Variants in FRMPD4 observed in about 807,000 individuals in gnomAD.
The protein encoded by FRMPD4 is FERM and PDZ domain-containing protein 4.
FRMPD4 carries 22 observed loss-of-function variants against 94.1 expected under a neutral mutation model. The observed-to-expected ratio is 0.23, with a 90% CI of 0.17 to 0.33. The LOEUF (loss-of-function observed/expected upper bound fraction) is 0.33. Ranked by LOEUF, FRMPD4 falls within the 10% of genes least tolerant of loss-of-function variation. The pLI, the probability that FRMPD4 is intolerant of heterozygous loss-of-function variation, is 1.00. For missense variants in FRMPD4, 1,111 were observed against 1,339.9 expected, an observed-to-expected ratio of 0.83 and a Z score of 2.67; for synonymous variants, 631 against 548.6, an observed-to-expected ratio of 1.15 and a Z score of -2.10.
rs186271442 is a variant in FRMPD4 at position 12,325,721 on chromosome X, C to G, written c.42-172959C>G. Among the ~76,000 whole-genome samples, 4 of 112,331 alleles carry G rather than the reference C, an allele frequency of 3.6e-5. No homozygotes were observed. The East Asian group carries it at 1.1e-3, about 31-fold the overall frequency. ...CTAGAAATATCAGCATTCCCTGAAG[C>G]TCTAAAATGCAGACCCTCAGGCCCC... On this transcript the variant is annotated intron_variant, in intron 1 of 16. Transcript: ENST00000675598.
At chrX:12,666,339 T>C (rs1316673474) in intron 4 of FRMPD4, among the ~76,000 whole-genome samples, 7 of 111,205 alleles carry the variant, frequency 6.3e-5, no homozygotes, top group African/African-American at 2.3e-4. Context: ...TGGGAGACTT[T>C]AACACCCCAC....
chrX:12,523,432 A>T (rs975176377), intron 2 of FRMPD4, among the ~76,000 whole-genome samples: 8 of 111,893 alleles, frequency 7.1e-5, no homozygotes, highest in Non-Finnish European at 1.3e-4. Flanking sequence ...TATTCCTGAC[A>T]GTTGCATTTA....
At chrX:12,423,238 AAAAT>A (rs35361195) in intron 1 of FRMPD4, among the ~76,000 whole-genome samples, 1 of 108,064 alleles carries the variant, frequency 9.3e-6, no homozygotes, top group Non-Finnish European at 1.9e-5. Context: ...GACGCCGTCT[AAAAT>A]AAATAAATAA....
At chrX:12,596,405 A>G (rs1223008076) in intron 2 of FRMPD4, among the ~76,000 whole-genome samples, 1 of 111,920 alleles carries the variant, frequency 8.9e-6, no homozygotes, top group African/African-American at 3.3e-5. Context: ...AATTACTTTC[A>G]TATTTGTATT....
rs773502928 is a variant in FRMPD4 at position 11,957,525 on chromosome X, C to CAAAATAAAATAAAAT, written c.95+79522_95+79536dup. ...GGCTGCAGTGAGTGAGACCCTGTCT[C>CAAAATAAAATAAAAT]AAAATAAAATAAAATAAAATAAAAT... On this transcript the variant is annotated intron_variant, in intron 3 of 18. Coordinates refer to the FRMPD4 transcript ENST00000640291. Among the ~76,000 whole-genome samples the CAAAATAAAATAAAAT allele has an allele frequency of 5.4e-3, 590 of 108,409 alleles. 4 individuals carry two copies. Among genetic ancestry groups the CAAAATAAAATAAAAT allele is most frequent in the African/African-American group, 0.019 (554 of 29,899 alleles). The allele number at this position is 108,409 out of a possible 115,157, so 94.1% of individuals were successfully genotyped here.
At chrX:12,720,009 G>A (rs934839903) in intron 16 of FRMPD4, among the ~76,000 whole-genome samples, 1 of 39,336 alleles carries the variant, frequency 2.5e-5, no homozygotes, top group Non-Finnish European at 5.2e-5. Flanking sequence ...GGAAAGGAAA[G>A]GAAAGGAAAG....
At chrX:12,089,029 G>C (rs190165615) in intron 3 of FRMPD4, among the ~76,000 whole-genome samples, 13 of 111,960 alleles carry the variant, frequency 1.2e-4, no homozygotes, top group Non-Finnish European at 1.9e-5. Flanking sequence ...ACCAGGTTTT[G>C]TACTATATAT....
rs147731657 is a variant in FRMPD4, at chrX:12,031,159, C to T, written c.95+153141C>T. 2.3e-3 allele frequency among the ~76,000 whole-genome samples: 263 copies of T among 111,922 alleles called. 1 individual carries two copies. The highest frequency in any genetic ancestry group is 7.4e-3 in the African/African-American group (227 of 30,826). ...GTAAATACAGAACAGCATATTTCAA[C>T]GTGCTTGGTCAATTTTCAGTAACAG... is the stretch of plus-strand genomic sequence containing the variant. On this transcript the variant is annotated intron_variant, in intron 3 of 18. Coordinates refer to the FRMPD4 transcript ENST00000640291.
intron 4 of FRMPD4, among the ~76,000 whole-genome samples, chrX:12,651,362 A>G (rs1216495768): frequency 3.9e-5 from 4 of 101,808 alleles, no homozygotes; most frequent in Non-Finnish European, 6.0e-5. Flanking sequence ...TTTTTTGGCA[A>G]TCTTCAAGGA....
chrX:11,904,218 C>T (rs1430587316), intron 3 of FRMPD4, among the ~76,000 whole-genome samples: 1 of 111,970 alleles, frequency 8.9e-6, no homozygotes, highest in Non-Finnish European at 1.9e-5. Context: ...ATATGGTCAT[C>T]ATCGGGTTTA....
At chrX:12,711,621 A>G (rs1325401508) in intron 14 of FRMPD4, among the ~76,000 whole-genome samples, 2 of 111,224 alleles carry the variant, frequency 1.8e-5, no homozygotes, top group East Asian at 5.6e-4. Context: ...GACAGATGCC[A>G]CCATTCTAGG....
At chrX:12,532,698 A>T (rs1201345887) in intron 2 of FRMPD4, among the ~76,000 whole-genome samples, 1 of 111,745 alleles carries the variant, frequency 8.9e-6, no homozygotes, top group Non-Finnish European at 1.9e-5. Context: ...GTGGCTGTCA[A>T]TAAGGGGACG....
chrX:12,346,489 T>G (rs2055713025), intron 1 of FRMPD4, among the ~76,000 whole-genome samples: 1 of 111,482 alleles, frequency 9.0e-6, no homozygotes, highest in Non-Finnish European at 1.9e-5. Flanking sequence ...TTGGCTTACA[T>G]TGCCATATAT....
At chrX:12,696,124 T>C (rs1482915324) in intron 9 of FRMPD4, among the ~76,000 whole-genome samples, 1 of 112,874 alleles carries the variant, frequency 8.9e-6, no homozygotes, top group Non-Finnish European at 1.9e-5. Context: ...CTGCATTTAT[T>C]AATTGGTATG....
chrX:11,908,858 A>G (rs2053982029), intron 3 of FRMPD4, among the ~76,000 whole-genome samples: 1 of 111,994 alleles, frequency 8.9e-6, no homozygotes, highest in African/African-American at 3.2e-5. Flanking sequence ...CTCTGCTATT[A>G]CCGAAAGTTT....
At chrX:12,062,960 T>C (rs952095650) in intron 3 of FRMPD4, among the ~76,000 whole-genome samples, 5 of 112,099 alleles carry the variant, frequency 4.5e-5, no homozygotes, top group African/African-American at 1.3e-4. Flanking sequence ...CCAATGTTGA[T>C]TAGTCGAGAT....
At chrX:12,711,273 A>T (rs931308852) in intron 14 of FRMPD4, among the ~76,000 whole-genome samples, 3 of 111,583 alleles carry the variant, frequency 2.7e-5, no homozygotes, top group Non-Finnish European at 5.6e-5. Flanking sequence ...TCCTCCCTGT[A>T]GTCAGACTTA....
At chrX:12,171,264 G>A (rs1360019709) in intron 1 of FRMPD4, among the ~76,000 whole-genome samples, 1 of 112,202 alleles carries the variant, frequency 8.9e-6, no homozygotes, top group Non-Finnish European at 1.9e-5. Flanking sequence ...AATGCATCAG[G>A]CAAGGATCAG....
At chrX:12,289,283 T>C (rs758978945) in intron 1 of FRMPD4, among the ~76,000 whole-genome samples, 6 of 112,270 alleles carry the variant, frequency 5.3e-5, no homozygotes, top group Non-Finnish European at 1.1e-4. Context: ...TCACCTTGCA[T>C]TTCTTCTCCT....
Sources: gnomAD v4.1 joint callset for allele counts (sites outside exome capture counted in the v4.1 genomes callset) on GRCh38, gnomAD v4.1.1 for gene constraint, MANE v1.5 for transcripts, NCBI Gene and HGNC (gene_info 2026-07-23, HGNC 2026-07-21) for gene names.